Variants in DMXL2 observed in about 807,000 individuals in gnomAD.
DMXL2 encodes the protein Dmx like 2.
In DMXL2, 103 loss-of-function variants were observed where a neutral mutation model predicts 331.1. The ratio of observed to expected loss-of-function variants is 0.31; its 90% CI spans 0.27 to 0.37. The LOEUF is 0.37. DMXL2 is among the 10% of genes least tolerant of loss of function. DMXL2 has a pLI of 1.00. For missense variants in DMXL2, 3,171 were observed against 3,642.9 expected, an observed-to-expected ratio of 0.87 and a Z score of 3.33; for synonymous variants, 1,281 against 1,252.1, an observed-to-expected ratio of 1.02 and a Z score of -0.49.
intron 6 of DMXL2, among the ~76,000 whole-genome samples, chr15:51,554,148 T>C (rs1567110089): frequency 1.3e-5 from 2 of 152,362 alleles, no homozygotes; most frequent in Non-Finnish European, 1.5e-5. Flanking sequence ...GGGAATATCA[T>C]AAAGCTGGAT....
At chr15:51,603,420 G>A (rs2053364041) in intron 1 of DMXL2, among the ~76,000 whole-genome samples, 2 of 151,976 alleles carry the variant, frequency 1.3e-5, no homozygotes, top group South Asian at 2.1e-4. Flanking sequence ...CATATTACTA[G>A]GATAGTCCTT....
At chr15:51,529,674 A>G (rs145510782) in intron 13 of DMXL2, among the ~76,000 whole-genome samples, 12 of 152,342 alleles carry the variant, frequency 7.9e-5, no homozygotes, top group Admixed American at 3.9e-4. Context: ...ATGCTGCCAA[A>G]CATATAAAAA....
intron 13 of DMXL2, among the ~76,000 whole-genome samples, chr15:51,526,619 T>TA (rs2047693017): frequency 6.6e-6 from 1 of 152,150 alleles, no homozygotes; most frequent in South Asian, 2.1e-4. Context: ...GAATTCAAAA[T>TA]AGCTGTTTTG....
chr15:51,457,585 G>A (rs769345813), intron 36 of DMXL2, 119 bp from the exon 37 acceptor site: 24 of 1,229,754 alleles, frequency 2.0e-5, no homozygotes, highest in Non-Finnish European at 2.6e-5. Context: ...AAGTAGCCAT[G>A]AGAAAAACTT....
intron 29 of DMXL2, among the ~76,000 whole-genome samples, chr15:51,468,408 G>C (rs943785262): frequency 6.6e-6 from 1 of 152,120 alleles, no homozygotes; most frequent in Non-Finnish European, 1.5e-5. Flanking sequence ...TGGATAATCT[G>C]AGTCCCCATG....
At chr15:51,598,547 A>G (rs1301237586) in intron 1 of DMXL2, among the ~76,000 whole-genome samples, 1 of 152,194 alleles carries the variant, frequency 6.6e-6, no homozygotes, top group Non-Finnish European at 1.5e-5. Flanking sequence ...ATGTCTTTTT[A>G]GACTCCTTTA....
At chr15:51,539,722 T>C (rs1056832405) in intron 9 of DMXL2, among the ~76,000 whole-genome samples, 18 of 152,090 alleles carry the variant, frequency 1.2e-4, no homozygotes, top group Admixed American at 4.6e-4. Flanking sequence ...GGTGGTAGGA[T>C]TGCCTGAGCC....
intron 1 of DMXL2, among the ~76,000 whole-genome samples, chr15:51,602,875 G>A (rs74016408): frequency 0.026 from 3,939 of 152,236 alleles, 168 homozygotes; most frequent in African/African-American, 0.089. Context: ...GTCGCATAAC[G>A]TAATATTTTT....
intron 10 of DMXL2, 131 bp from the exon 11 acceptor site, chr15:51,537,890 G>T: frequency 3.5e-6 from 4 of 1,127,910 alleles, no homozygotes; most frequent in South Asian, 3.6e-5. Context: ...AAAAAACAAA[G>T]GAAACTTTTG....
intron 2 of DMXL2, among the ~76,000 whole-genome samples, chr15:51,569,547 G>GCC (rs1287934587): frequency 2.0e-5 from 3 of 152,222 alleles, no homozygotes; most frequent in Non-Finnish European, 4.4e-5. Flanking sequence ...ACACCTCACA[G>GCC]TAGGGGCCTA....
intron 1 of DMXL2, among the ~76,000 whole-genome samples, chr15:51,613,949 C>A (rs908351312): frequency 6.6e-6 from 1 of 152,156 alleles, no homozygotes; most frequent in African/African-American, 2.4e-5. Context: ...AGGACCAGCT[C>A]AGCTGATTGT....
At chr15:51,515,616 C>A (rs117052271) in intron 14 of DMXL2, among the ~76,000 whole-genome samples, 1,598 of 152,218 alleles carry the variant, frequency 0.01, 11 homozygotes, top group Non-Finnish European at 0.016. Flanking sequence ...TCATACAACA[C>A]ATTGGGAACA....
At chr15:51,537,873 T>G in intron 10 of DMXL2, 114 bp from the exon 11 acceptor site, 1 of 1,240,796 alleles carries the variant, frequency 8.1e-7, no homozygotes, top group Non-Finnish European at 1.1e-6. Context: ...CAATTTACAG[T>G]CAGAAAAAAA....
chr15:51,459,987 A>G (rs2039976990), intron 33 of DMXL2: 1 of 984,768 alleles, frequency 1.0e-6, no homozygotes, highest in Non-Finnish European at 1.2e-6. Flanking sequence ...TTGTATAAGC[A>G]GATGCAGAAG....
At chr15:51,548,119 T>C (rs542134728) in intron 6 of DMXL2, among the ~76,000 whole-genome samples, 1 of 152,146 alleles carries the variant, frequency 6.6e-6, no homozygotes, top group South Asian at 2.1e-4. Context: ...TCATTTTACT[T>C]AGTCCTAACA....
intron 1 of DMXL2, among the ~76,000 whole-genome samples, chr15:51,581,022 G>A (rs764213728): frequency 6.6e-6 from 1 of 152,122 alleles, no homozygotes; most frequent in Non-Finnish European, 1.5e-5. Context: ...TTTCTTTGCT[G>A]TGGTACTATT....
chr15:51,563,760 C>G (rs1002046328), intron 5 of DMXL2, among the ~76,000 whole-genome samples: 1 of 152,044 alleles, frequency 6.6e-6, no homozygotes, highest in Non-Finnish European at 1.5e-5. Flanking sequence ...GACTAGTCTT[C>G]GTCACATAAT....
chr15:51,502,044 C>G (rs1567037035), intron 17 of DMXL2, among the ~76,000 whole-genome samples: 1 of 151,090 alleles, frequency 6.6e-6, no homozygotes, highest in Admixed American at 6.6e-5. Flanking sequence ...TCCTGGCTAA[C>G]ACGGTGAAAC....
intron 6 of DMXL2, among the ~76,000 whole-genome samples, chr15:51,553,110 A>G (rs1482664799): frequency 6.6e-6 from 1 of 152,178 alleles, no homozygotes; most frequent in Admixed American, 6.5e-5. Flanking sequence ...TCACACTACT[A>G]TATCATCCTG....
Sources: gnomAD v4.1 joint callset for allele counts (sites outside exome capture counted in the v4.1 genomes callset) on GRCh38, gnomAD v4.1.1 for gene constraint, MANE v1.5 for transcripts, NCBI Gene and HGNC (gene_info 2026-07-23, HGNC 2026-07-21) for gene names.